Variants in RHBDD1 observed in about 807,000 individuals in gnomAD.
RHBDD1 encodes the protein rhomboid domain containing 1.
A neutral mutation model predicts 36.3 loss-of-function variants in RHBDD1; 38 were observed. The ratio of observed to expected loss-of-function variants is 1.05; its 90% CI spans 0.81 to 1.37. The LOEUF is 1.37. Ranked by LOEUF, RHBDD1 falls within the 40% of genes most tolerant of loss-of-function variation. RHBDD1 has a pLI of 0.00. For missense variants in RHBDD1, 393 were observed against 377.6 expected, an observed-to-expected ratio of 1.04 and a Z score of -0.34; for synonymous variants, 151 against 136.5, an observed-to-expected ratio of 1.11 and a Z score of -0.74.
intron 5 of RHBDD1, among the ~76,000 whole-genome samples, chr2:226,880,215 G>A (rs1945599625): frequency 6.6e-6 from 1 of 152,146 alleles, no homozygotes; most frequent in African/African-American, 2.4e-5. Context: ...ATAGAAACAT[G>A]TTTTCCTGGC....
chr2:226,987,457 G>T (rs978455565), intron 8 of RHBDD1, among the ~76,000 whole-genome samples: 1 of 152,220 alleles, frequency 6.6e-6, no homozygotes, highest in Non-Finnish European at 1.5e-5. Flanking sequence ...GTCATGAGCA[G>T]CTAGCTGGTA....
In RHBDD1 at chr2:226,998,750, G is replaced by GCATCT. The variant is rs1960162412; in HGVS notation, c.*3231_*3235dup. The GCATCT allele has an allele frequency of 6.6e-6, 1 of 152,114 alleles. No individual in the cohort carries two copies. Among genetic ancestry groups the GCATCT allele is most frequent in the South Asian group, 2.1e-4 (1 of 4,824 alleles). 9.4% of individuals were successfully genotyped at this position (152,114 alleles called of 1,614,324 possible). On this transcript the variant is annotated 3_prime_UTR_variant, in exon 9 of 9. Coordinates refer to ENST00000392062, the MANE Select transcript of RHBDD1 (RefSeq NM_001167608.3). ...AAATTCACTTTCATGATGCCACTCA[G>GCATCT]CATCTCAAATACCTTTCATTGGCTC... is the stretch of plus-strand genomic sequence containing the variant.
chr2:226,888,820 T>C (rs774391660), intron 5 of RHBDD1, among the ~76,000 whole-genome samples: 8 of 152,226 alleles, frequency 5.3e-5, no homozygotes, highest in Non-Finnish European at 1.0e-4. Flanking sequence ...TTTACATGAA[T>C]AACAATTGTG....
chr2:226,947,892 G>T (rs1264057959), intron 8 of RHBDD1, among the ~76,000 whole-genome samples: 1 of 152,166 alleles, frequency 6.6e-6, no homozygotes, highest in African/African-American at 2.4e-5. Flanking sequence ...AGTTAGAATG[G>T]CAATCATTAC....
At chr2:226,920,616 G>A (rs1949242996) in intron 8 of RHBDD1, among the ~76,000 whole-genome samples, 1 of 152,032 alleles carries the variant, frequency 6.6e-6, no homozygotes, top group South Asian at 2.1e-4. Context: ...ATTTTATCAA[G>A]TGCTTTTTCA....
At chr2:226,941,757 C>A (rs895274126) in intron 8 of RHBDD1, among the ~76,000 whole-genome samples, 2 of 152,020 alleles carry the variant, frequency 1.3e-5, no homozygotes, top group Admixed American at 1.3e-4. Context: ...ATAGAAAAGC[C>A]ACTTCGCATT....
chr2:226,922,533 G>A (rs532452696), intron 8 of RHBDD1, among the ~76,000 whole-genome samples: 21 of 152,148 alleles, frequency 1.4e-4, no homozygotes, highest in Admixed American at 1.2e-3. Context: ...TTCTCTATAG[G>A]TGAAATGTGT....
At chr2:226,841,203 A>T (rs1415377078) in intron 3 of RHBDD1, among the ~76,000 whole-genome samples, 1 of 151,776 alleles carries the variant, frequency 6.6e-6, no homozygotes, top group African/African-American at 2.4e-5. Flanking sequence ...TGTGATCTTG[A>T]CTCACTGCAG....
intron 5 of RHBDD1, among the ~76,000 whole-genome samples, chr2:226,901,726 C>T (rs926861788): frequency 6.6e-6 from 1 of 152,104 alleles, no homozygotes; most frequent in Non-Finnish European, 1.5e-5. Flanking sequence ...ACTATATTTG[C>T]AAACCATATA....
chr2:226,941,388 G>T (rs1049760823), intron 8 of RHBDD1, among the ~76,000 whole-genome samples: 1 of 152,240 alleles, frequency 6.6e-6, no homozygotes, highest in African/African-American at 2.4e-5. Context: ...TTTCCTGCTG[G>T]CAGGGGCAAG....
At chr2:226,885,252 C>G (rs191402512) in intron 5 of RHBDD1, among the ~76,000 whole-genome samples, 1 of 152,174 alleles carries the variant, frequency 6.6e-6, no homozygotes, top group East Asian at 1.9e-4. Flanking sequence ...TATAAACATT[C>G]TGAAAAGTAA....
intron 8 of RHBDD1, among the ~76,000 whole-genome samples, chr2:226,971,806 T>A (rs1270718691): frequency 6.6e-6 from 1 of 152,152 alleles, no homozygotes; most frequent in Non-Finnish European, 1.5e-5. Flanking sequence ...ATTTTTTTTT[T>A]AATCCAAAGG....
intron 6 of RHBDD1, chr2:226,908,620 C>T (rs113803643): frequency 9.3e-5 from 52 of 560,314 alleles, no homozygotes; most frequent in African/African-American, 8.9e-4. Flanking sequence ...CACACACACA[C>T]ATTCTTTTCC....
intron 6 of RHBDD1, among the ~76,000 whole-genome samples, chr2:226,907,870 G>T (rs546408673): frequency 6.6e-6 from 1 of 152,026 alleles, no homozygotes. Context: ...CAGTTTTATT[G>T]TATTTTCAAT....
At chr2:226,901,948 G>A (rs192036196) in intron 5 of RHBDD1, among the ~76,000 whole-genome samples, 9 of 152,086 alleles carry the variant, frequency 5.9e-5, no homozygotes, top group East Asian at 1.9e-4. Flanking sequence ...TGATAGTTAC[G>A]TACTGAGTGC....
At chr2:226,946,905 G>A (rs1951026457) in intron 8 of RHBDD1, among the ~76,000 whole-genome samples, 1 of 152,160 alleles carries the variant, frequency 6.6e-6, no homozygotes, top group African/African-American at 2.4e-5. Context: ...TGGATGCAAG[G>A]CTGGTTCAAC....
In RHBDD1 at chr2:226,914,384, G is replaced by A. The variant is rs187773371; in HGVS notation, c.856+33G>A. On this transcript the variant is annotated intron_variant, in intron 8 of 8. Transcript: ENST00000392062. Reference sequence around the variant, plus strand: ...TCTTGCGCCCTTCAGTTATTTTAAAGCATACCTCATGTGGTAAGGTAGTCT... The same window carrying A: ...TCTTGCGCCCTTCAGTTATTTTAAAACATACCTCATGTGGTAAGGTAGTCT... 96 of 1,599,410 alleles carry A rather than the reference G, an allele frequency of 6.0e-5. No individual in the cohort carries two copies. The Middle Eastern group carries it at 6.7e-4, about 11-fold the overall frequency.
Position 226,886,129 on chromosome 2 carries a change from A to G in RHBDD1, c.566+18811A>G, listed in dbSNP as rs1424272472. 2.0e-5 allele frequency among the ~76,000 whole-genome samples: 3 copies of G among 152,212 alleles called. No individual in the cohort carries two copies. In the East Asian group the frequency reaches 5.8e-4, roughly 29 times the overall value. ...AAAGTGAAACAGCACATAAGCGGGG[A>G]CTACCATAGCACCCTATTTTTACAA... On this transcript the variant is annotated intron_variant, in intron 5 of 8. Coordinates refer to ENST00000392062, the MANE Select transcript of RHBDD1 (RefSeq NM_001167608.3).
intron 3 of RHBDD1, among the ~76,000 whole-genome samples, chr2:226,852,155 C>A (rs181158450): frequency 4.6e-5 from 7 of 152,278 alleles, no homozygotes; most frequent in Admixed American, 2.0e-4. Flanking sequence ...TGATCAAGTC[C>A]TAACTTGACA....
Sources: gnomAD v4.1 joint callset for allele counts (sites outside exome capture counted in the v4.1 genomes callset) on GRCh38, gnomAD v4.1.1 for gene constraint, MANE v1.5 for transcripts, NCBI Gene and HGNC (gene_info 2026-07-23, HGNC 2026-07-21) for gene names.